Variants in HSD17B3 observed in about 807,000 individuals in gnomAD.
The protein encoded by HSD17B3 is 17-beta-hydroxysteroid dehydrogenase type 3.
Under a neutral mutation model 41.1 loss-of-function variants are expected in HSD17B3, and 29 were observed. The ratio of observed to expected loss-of-function variants is 0.71; its 90% CI spans 0.53 to 0.96. The LOEUF (loss-of-function observed/expected upper bound fraction) is 0.96, where lower values mean the gene tolerates loss of function less well. Ranked by LOEUF, HSD17B3 falls within the 40% of genes least tolerant of loss-of-function variation. The probability of loss-of-function intolerance (pLI) is 0.00; values close to 1 mark genes in which losing one functional copy is unlikely to be tolerated. For synonymous variants in HSD17B3, 126 were observed against 145.6 expected (o/e 0.87, Z 0.97); for missense variants, 323 against 374.6 (o/e 0.86, Z 1.14).
intron 2 of HSD17B3, among the ~76,000 whole-genome samples, chr9:96,272,429 A>C (rs1433859653): frequency 3.7e-4 from 26 of 69,506 alleles, no homozygotes; most frequent in East Asian, 1.0e-3. Context: ...ATATATATAT[A>C]TATATATATA....
intron 9 of HSD17B3, among the ~76,000 whole-genome samples, chr9:96,242,005 GAGAAAGAAA>G (rs1564023500): frequency 1.5e-5 from 1 of 68,528 alleles, no homozygotes; most frequent in South Asian, 4.5e-4. Flanking sequence ...AAGAAAGAAA[GAGAAAGAAA>G]AGAAAGAAAA....
intron 3 of HSD17B3, among the ~76,000 whole-genome samples, chr9:96,253,740 G>A (rs1253490459): frequency 6.6e-6 from 1 of 152,122 alleles, no homozygotes; most frequent in Admixed American, 6.6e-5. Context: ...GCATAGTTTG[G>A]GGGTGGACAA....
At chr9:96,236,403 G>A (rs989502916) in intron 10 of HSD17B3, among the ~76,000 whole-genome samples, 1 of 151,924 alleles carries the variant, frequency 6.6e-6, no homozygotes, top group African/African-American at 2.4e-5. Context: ...TGTAGTCTCA[G>A]CTACTCGGGA....
At chr9:96,288,266 G>T (rs1161408692) in intron 2 of HSD17B3, among the ~76,000 whole-genome samples, 1 of 152,124 alleles carries the variant, frequency 6.6e-6, no homozygotes, top group Non-Finnish European at 1.5e-5. Flanking sequence ...GAATTTTATG[G>T]TATATAAATT....
At chr9:96,301,428 G>A (rs571443531) in intron 1 of HSD17B3, among the ~76,000 whole-genome samples, 4 of 124,682 alleles carry the variant, frequency 3.2e-5, no homozygotes, top group South Asian at 5.0e-4. Flanking sequence ...AATACAAAAC[G>A]TTGGCTGGGT....
intron 2 of HSD17B3, among the ~76,000 whole-genome samples, 196 bp from the exon 3 acceptor site, chr9:96,255,139 G>A (rs1003941337): frequency 3.9e-5 from 6 of 152,146 alleles, no homozygotes; most frequent in African/African-American, 1.4e-4. Flanking sequence ...AGGCTAACTA[G>A]TAGGGCCATC....
intron 10 of HSD17B3, among the ~76,000 whole-genome samples, chr9:96,236,105 C>T (rs896141100): frequency 2.6e-5 from 4 of 151,744 alleles, no homozygotes; most frequent in East Asian, 1.9e-4. Flanking sequence ...CCACCATGCC[C>T]GGTCTGGAAA....
chr9:96,285,456 C>T (rs2130782938), intron 2 of HSD17B3, among the ~76,000 whole-genome samples: 1 of 152,118 alleles, frequency 6.6e-6, no homozygotes, highest in East Asian at 1.9e-4. Flanking sequence ...TGAATCAGTC[C>T]TCTAATTCTG....
intron 10 of HSD17B3, 109 bp downstream of exon 10, chr9:96,240,649 A>T: frequency 1.8e-6 from 2 of 1,104,996 alleles, no homozygotes; most frequent in Non-Finnish European, 2.8e-6. Flanking sequence ...TGGCTATATT[A>T]ACGCATCAAT....
chr9:96,266,480 G>C (rs778292234), intron 2 of HSD17B3, among the ~76,000 whole-genome samples: 16 of 151,932 alleles, frequency 1.1e-4, no homozygotes, highest in Admixed American at 6.6e-4. Context: ...ATGTTGCCCA[G>C]GCTGGTCTCA....
intron 2 of HSD17B3, among the ~76,000 whole-genome samples, chr9:96,270,269 C>CAGAG (rs961122103): frequency 9.3e-4 from 140 of 150,886 alleles, no homozygotes; most frequent in African/African-American, 2.7e-3. Context: ...CACACACACA[C>CAGAG]AGAGAGAGAG....
chr9:96,261,094 A>G (rs1360889048), intron 2 of HSD17B3, among the ~76,000 whole-genome samples: 1 of 152,136 alleles, frequency 6.6e-6, no homozygotes, highest in Non-Finnish European at 1.5e-5. Flanking sequence ...TAACACAACA[A>G]AAGTTTACTT....
intron 5 of HSD17B3, 25 bp downstream of exon 5, chr9:96,251,393 T>G (rs1825402446): frequency 6.2e-7 from 1 of 1,603,598 alleles, no homozygotes. Context: ...AAGAGGAATC[T>G]ATACACAGAA....
chr9:96,301,860 G>A, intron 1 of HSD17B3, 91 bp downstream of exon 1: 1 of 1,413,186 alleles, frequency 7.1e-7, no homozygotes, highest in Non-Finnish European at 1.0e-6. Context: ...CAGCCTGGGT[G>A]ACAGAGCAAG....
At chr9:96,277,844 C>CAA (rs1826530205) in intron 2 of HSD17B3, among the ~76,000 whole-genome samples, 1 of 109,904 alleles carries the variant, frequency 9.1e-6, no homozygotes, top group African/African-American at 4.3e-5. Flanking sequence ...GGCACACACA[C>CAA]ACACACACAC....
intron 10 of HSD17B3, among the ~76,000 whole-genome samples, chr9:96,240,280 A>G (rs1405134040): frequency 2.6e-5 from 4 of 152,104 alleles, no homozygotes; most frequent in Admixed American, 6.5e-5. Flanking sequence ...TGCACCATGC[A>G]CTCCTCAATT....
chr9:96,274,096 A>G (rs967863130), intron 2 of HSD17B3, among the ~76,000 whole-genome samples: 7 of 152,246 alleles, frequency 4.6e-5, no homozygotes, highest in African/African-American at 1.7e-4. Context: ...AAAACTGTCT[A>G]ACAAAGAAGT....
At chr9:96,252,292 C>T (rs1825448885) in intron 4 of HSD17B3, among the ~76,000 whole-genome samples, 1 of 152,052 alleles carries the variant, frequency 6.6e-6, no homozygotes, top group Non-Finnish European at 1.5e-5. Flanking sequence ...CACCTGTAAT[C>T]CCAACACTTT....
chr9:96,239,774 T>C (rs1231248376), intron 10 of HSD17B3: 3 of 152,232 alleles, frequency 2.0e-5, no homozygotes, highest in Non-Finnish European at 4.4e-5. Flanking sequence ...GTCAGAGCTA[T>C]GCCAATGTTA....
Sources: gnomAD v4.1 joint callset for allele counts (sites outside exome capture counted in the v4.1 genomes callset) on GRCh38, gnomAD v4.1.1 for gene constraint, MANE v1.5 for transcripts, NCBI Gene and HGNC (gene_info 2026-07-23, HGNC 2026-07-21) for gene names.